Variants in MARCHF6 observed in about 807,000 individuals in gnomAD.
The protein encoded by MARCHF6 is membrane associated ring-CH-type finger 6.
MARCHF6 carries 31 observed loss-of-function variants against 133.7 expected under a neutral mutation model. That is an observed-to-expected ratio of 0.23 (90% CI 0.17 to 0.31). The LOEUF (loss-of-function observed/expected upper bound fraction) is 0.31. Among genes scored for constraint, MARCHF6 ranks in the 10% least tolerant of loss-of-function variants. MARCHF6 has a pLI of 1.00. For missense variants in MARCHF6, 723 were observed against 1,121.6 expected (o/e 0.64, Z 5.08); for synonymous variants, 395 against 402.5 (o/e 0.98, Z 0.22).
intron 5 of MARCHF6, among the ~76,000 whole-genome samples, chr5:10,390,030 C>T (rs1737728824): frequency 6.6e-6 from 1 of 152,058 alleles, no homozygotes; most frequent in African/African-American, 2.4e-5. Context: ...TGTTTCTAGG[C>T]CATTTTCAAA....
chr5:10,424,404 G>C (rs562781696), intron 23 of MARCHF6, among the ~76,000 whole-genome samples: 3 of 152,186 alleles, frequency 2.0e-5, no homozygotes, highest in African/African-American at 7.2e-5. Context: ...GCTACCTTTT[G>C]TCTTTATACA....
chr5:10,386,135 G>C (rs957092902), intron 4 of MARCHF6, among the ~76,000 whole-genome samples: 1 of 151,888 alleles, frequency 6.6e-6, no homozygotes, highest in African/African-American at 2.4e-5. Context: ...ATTGTTACAA[G>C]CATACTTGTC....
intron 22 of MARCHF6, among the ~76,000 whole-genome samples, chr5:10,423,205 T>TCTTA (rs1554026226): frequency 2.6e-5 from 4 of 151,548 alleles, no homozygotes; most frequent in African/African-American, 9.7e-5. Flanking sequence ...TAGTCATCAC[T>TCTTA]CTGTCTGGTG....
At chr5:10,418,657 C>A (rs1468586948) in intron 22 of MARCHF6, among the ~76,000 whole-genome samples, 1 of 152,166 alleles carries the variant, frequency 6.6e-6, no homozygotes, top group Non-Finnish European at 1.5e-5. Context: ...GCCCGTATTT[C>A]CCTTTTTCTG....
Position 10,387,082 on chromosome 5 carries a change from C to G in MARCHF6, c.407+16C>G. 1 of 1,590,894 alleles carries G rather than the reference C, an allele frequency of 6.3e-7. No homozygotes were observed. The highest frequency in any genetic ancestry group is 1.7e-5 in the Admixed American group (1 of 59,858). ...TGCTGTCAACGTGAGTATTGAACCTCTGTGACGAATGTTGCATGATGTAGA... is the reference window on the plus strand; with the variant it reads ...TGCTGTCAACGTGAGTATTGAACCTGTGTGACGAATGTTGCATGATGTAGA... On this transcript the variant is annotated intron_variant, in intron 5 of 25. Coordinates refer to ENST00000274140, the MANE Select transcript of MARCHF6 (RefSeq NM_005885.4).
intron 1 of MARCHF6, among the ~76,000 whole-genome samples, chr5:10,359,463 G>A (rs1367960096): frequency 6.6e-6 from 1 of 152,068 alleles, no homozygotes; most frequent in East Asian, 1.9e-4. Flanking sequence ...TTGTAAGAAT[G>A]CAGCATATAA....
chr5:10,404,173 T>C (rs1416678755), intron 15 of MARCHF6, among the ~76,000 whole-genome samples: 1 of 151,994 alleles, frequency 6.6e-6, no homozygotes, highest in Non-Finnish European at 1.5e-5. Context: ...GTTCAAGTGA[T>C]TCTCCTGCTT....
intron 1 of MARCHF6, among the ~76,000 whole-genome samples, chr5:10,377,187 C>A (rs1324674708): frequency 6.6e-6 from 1 of 152,140 alleles, no homozygotes; most frequent in Admixed American, 6.5e-5. Flanking sequence ...AGCGCTGTCC[C>A]TTCTGCTTAA....
At chr5:10,416,796 G>T (rs765295561) in intron 21 of MARCHF6, among the ~76,000 whole-genome samples, 10 of 152,142 alleles carry the variant, frequency 6.6e-5, no homozygotes, top group Non-Finnish European at 1.2e-4. Flanking sequence ...TACTAGTCAG[G>T]TGGCTAAATG....
intron 19 of MARCHF6, 79 bp from the exon 20 acceptor site, chr5:10,414,354 G>A: frequency 1.3e-6 from 1 of 791,832 alleles, no homozygotes; most frequent in Admixed American, 2.4e-5. Context: ...TTTTTAATGG[G>A]AAGATTGTGT....
At chr5:10,377,594 T>C (rs1402664199) in intron 1 of MARCHF6, among the ~76,000 whole-genome samples, 2 of 152,250 alleles carry the variant, frequency 1.3e-5, no homozygotes, top group South Asian at 2.1e-4. Context: ...AACTTAACTT[T>C]TAATACATTA....
chr5:10,354,935 G>A (rs910128463), intron 1 of MARCHF6, among the ~76,000 whole-genome samples: 1 of 151,992 alleles, frequency 6.6e-6, no homozygotes, highest in African/African-American at 2.4e-5. Context: ...AGTTGATAAC[G>A]ACTTATTTTT....
intron 1 of MARCHF6, among the ~76,000 whole-genome samples, chr5:10,358,722 A>G (rs1199598187): frequency 6.6e-6 from 1 of 152,244 alleles, no homozygotes; most frequent in African/African-American, 2.4e-5. Flanking sequence ...AAAAACTTGC[A>G]GATGAACTGT....
intron 5 of MARCHF6, among the ~76,000 whole-genome samples, chr5:10,387,628 A>G (rs1393321429): frequency 6.6e-6 from 1 of 152,006 alleles, no homozygotes; most frequent in Non-Finnish European, 1.5e-5. Context: ...ATAGGCTGTC[A>G]CGCAGTTTGA....
intron 17 of MARCHF6, among the ~76,000 whole-genome samples, chr5:10,409,479 G>A (rs1296982744): frequency 6.6e-6 from 1 of 152,244 alleles, no homozygotes; most frequent in Non-Finnish European, 1.5e-5. Flanking sequence ...AAGTTTGTCT[G>A]TAGTAGGAGG....
At chr5:10,390,293 C>T in intron 5 of MARCHF6, 39 bp from the exon 6 acceptor site, 7 of 1,505,874 alleles carry the variant, frequency 4.6e-6, no homozygotes, top group Admixed American at 2.2e-5. Context: ...AATTTTAAGT[C>T]TTCTTTGGAG....
chr5:10,415,369 C>T, intron 20 of MARCHF6, 119 bp from the exon 21 acceptor site: 1 of 888,298 alleles, frequency 1.1e-6, no homozygotes, highest in Non-Finnish European at 1.8e-6. Context: ...TTGATGAAGA[C>T]ATTGATATAT....
intron 22 of MARCHF6, among the ~76,000 whole-genome samples, chr5:10,419,265 A>G (rs1019906424): frequency 6.6e-6 from 1 of 152,198 alleles, no homozygotes; most frequent in African/African-American, 2.4e-5. Context: ...AGTAAATTGC[A>G]TGAGATAGTC....
At chr5:10,376,407 A>G (rs547373697) in intron 1 of MARCHF6, among the ~76,000 whole-genome samples, 2 of 151,998 alleles carry the variant, frequency 1.3e-5, no homozygotes, top group East Asian at 3.9e-4. Flanking sequence ...ACACGTCCGA[A>G]CATCAGAAGG....
Sources: gnomAD v4.1 joint callset for allele counts (sites outside exome capture counted in the v4.1 genomes callset) on GRCh38, gnomAD v4.1.1 for gene constraint, MANE v1.5 for transcripts, NCBI Gene and HGNC (gene_info 2026-07-23, HGNC 2026-07-21) for gene names.